Variants in MAP4K3 observed in about 807,000 individuals in gnomAD.
The protein encoded by MAP4K3 is mitogen-activated protein kinase kinase kinase kinase 3, also known as MAPK/ERK kinase kinase kinase 3.
MAP4K3 carries 94 observed loss-of-function variants against 143.5 expected under a neutral mutation model. The ratio of observed to expected loss-of-function variants is 0.65; its 90% CI spans 0.55 to 0.78. The LOEUF (loss-of-function observed/expected upper bound fraction) is 0.78. MAP4K3 is among the 30% of genes least tolerant of loss of function. The pLI is 0.00. For synonymous variants in MAP4K3, 416 were observed against 347.2 expected (o/e 1.20, Z -2.20); for missense variants, 1,077 against 1,068.1 (o/e 1.01, Z -0.12).
chr2:39,397,709 T>C (rs1318772867), intron 1 of MAP4K3, among the ~76,000 whole-genome samples: 3 of 152,298 alleles, frequency 2.0e-5, no homozygotes, highest in African/African-American at 7.2e-5. Context: ...ACAATATAAC[T>C]TTATATGGCC....
chr2:39,268,091 C>A (rs1680841772), intron 26 of MAP4K3, among the ~76,000 whole-genome samples: 1 of 152,060 alleles, frequency 6.6e-6, no homozygotes, highest in South Asian at 2.1e-4. Flanking sequence ...TGTTTCTCTA[C>A]TCAGGAAAAG....
intron 2 of MAP4K3, among the ~76,000 whole-genome samples, chr2:39,372,651 C>T (rs925955762): frequency 6.6e-6 from 1 of 151,974 alleles, no homozygotes; most frequent in African/African-American, 2.4e-5. Context: ...ACAGTGAATG[C>T]ATTTTCAACA....
At chr2:39,310,381 A>G (rs751192046) in intron 13 of MAP4K3, among the ~76,000 whole-genome samples, 2 of 152,170 alleles carry the variant, frequency 1.3e-5, no homozygotes, top group Non-Finnish European at 2.9e-5. Context: ...ACTTAACATT[A>G]ATGTCCTCCA....
At chr2:39,408,398 C>A (rs941065082) in intron 1 of MAP4K3, among the ~76,000 whole-genome samples, 1 of 151,804 alleles carries the variant, frequency 6.6e-6, no homozygotes. Context: ...TCATTAGACA[C>A]GATACTCTAG....
At chr2:39,431,560 C>T (rs1383318007) in intron 1 of MAP4K3, among the ~76,000 whole-genome samples, 1 of 151,958 alleles carries the variant, frequency 6.6e-6, no homozygotes, top group Non-Finnish European at 1.5e-5. Context: ...AAGGAGCAGG[C>T]TCATTAAAAG....
At chr2:39,399,822 T>G (rs1342435675) in intron 1 of MAP4K3, among the ~76,000 whole-genome samples, 1 of 152,188 alleles carries the variant, frequency 6.6e-6, no homozygotes, top group African/African-American at 2.4e-5. Context: ...TACAAGAGAC[T>G]GCTGTAAGTA....
At chr2:39,273,757 AG>A (rs1681133682) in intron 24 of MAP4K3, among the ~76,000 whole-genome samples, 1 of 152,222 alleles carries the variant, frequency 6.6e-6, no homozygotes, top group Non-Finnish European at 1.5e-5. Context: ...TTGCCAATAC[AG>A]TTTTTTAATT....
At chr2:39,252,408 T>C (rs575648655) in intron 32 of MAP4K3, among the ~76,000 whole-genome samples, 2 of 152,242 alleles carry the variant, frequency 1.3e-5, no homozygotes, top group Admixed American at 6.5e-5. Context: ...AGATCTACCA[T>C]GCAGTAGAGC....
chr2:39,356,072 A>G (rs1415998415), intron 3 of MAP4K3, 177 bp downstream of exon 3: 5 of 507,870 alleles, frequency 9.8e-6, no homozygotes, highest in Admixed American at 7.8e-5. Flanking sequence ...TACGACTGCA[A>G]TATTGGTTAC....
chr2:39,394,846 T>C (rs1050911889), intron 1 of MAP4K3, among the ~76,000 whole-genome samples: 2 of 152,124 alleles, frequency 1.3e-5, no homozygotes, highest in Non-Finnish European at 2.9e-5. Context: ...TCACCCTTTG[T>C]CAGTGCTATA....
In MAP4K3 at chr2:39,366,175, T is replaced by A. The variant is rs151310398; in HGVS notation, c.155-9836A>T. On this transcript the variant is annotated intron_variant, in intron 2 of 33. Transcript: ENST00000263881. ...CCAAGGTGGTCAGGGTACAGCCTAGTTTTATACATTTTAGGAAGACCTGAG... is the reference window on the plus strand; with the variant it reads ...CCAAGGTGGTCAGGGTACAGCCTAGATTTATACATTTTAGGAAGACCTGAG... Among the ~76,000 whole-genome samples, 1,482 of 151,796 alleles carry A rather than the reference T, an allele frequency of 9.8e-3. 6 individuals carry two copies. The highest frequency in any genetic ancestry group is 0.024 in the South Asian group (115 of 4,778).
intron 13 of MAP4K3, among the ~76,000 whole-genome samples, chr2:39,313,659 C>T (rs1269199508): frequency 6.6e-6 from 1 of 152,116 alleles, no homozygotes; most frequent in Non-Finnish European, 1.5e-5. Context: ...ACTACAGGCA[C>T]ACACCAACAG....
chr2:39,376,745 A>G (rs1183693122), intron 2 of MAP4K3, among the ~76,000 whole-genome samples: 4 of 152,216 alleles, frequency 2.6e-5, no homozygotes, highest in Non-Finnish European at 5.9e-5. Flanking sequence ...AGGTTTCTTG[A>G]GGGAATGATG....
chr2:39,420,712 C>T (rs1215884686), intron 1 of MAP4K3, among the ~76,000 whole-genome samples: 2 of 152,008 alleles, frequency 1.3e-5, no homozygotes, highest in African/African-American at 2.4e-5. Flanking sequence ...CATGCCCGGC[C>T]GCCATGAATT....
chr2:39,399,876 A>G (rs541652485), intron 1 of MAP4K3, among the ~76,000 whole-genome samples: 1 of 152,352 alleles, frequency 6.6e-6, no homozygotes, highest in South Asian at 2.1e-4. Context: ...CCAGGTACAT[A>G]ATATTTATAT....
intron 3 of MAP4K3, among the ~76,000 whole-genome samples, chr2:39,354,733 T>C (rs755491383): frequency 7.2e-5 from 11 of 151,818 alleles, no homozygotes; most frequent in Middle Eastern, 3.2e-3. Flanking sequence ...CAATCAAAGC[T>C]GTACAAGAGT....
chr2:39,354,487 G>A (rs1296826432), intron 3 of MAP4K3, among the ~76,000 whole-genome samples: 5 of 151,720 alleles, frequency 3.3e-5, no homozygotes, highest in East Asian at 3.9e-4. Flanking sequence ...GTGTGGTGGC[G>A]TGTGCCTATC....
chr2:39,278,403 A>G lies in MAP4K3; in HGVS notation c.1794+4T>C, dbSNP rs1350877479. ...AAAAAAAAAGAATATACAAAATAAC[A>G]TACCTGTTCCATTGATGTTTCATGA... On this transcript the variant is annotated splice_donor_region_variant and intron_variant, in intron 24 of 33. Coordinates refer to ENST00000263881, the MANE Select transcript of MAP4K3 (RefSeq NM_003618.4). 2.0e-6 allele frequency: 3 copies of G among 1,536,548 alleles called. No homozygotes were observed. Among genetic ancestry groups the G allele is most frequent in the South Asian group, 1.2e-5 (1 of 80,578 alleles).
intron 19 of MAP4K3, among the ~76,000 whole-genome samples, chr2:39,289,485 A>G (rs1681941057): frequency 6.6e-6 from 1 of 152,214 alleles, no homozygotes; most frequent in African/African-American, 2.4e-5. Flanking sequence ...TACCTTTAAA[A>G]AAAACAACCC....
Sources: gnomAD v4.1 joint callset for allele counts (sites outside exome capture counted in the v4.1 genomes callset) on GRCh38, gnomAD v4.1.1 for gene constraint, MANE v1.5 for transcripts, NCBI Gene and HGNC (gene_info 2026-07-23, HGNC 2026-07-21) for gene names.